The following PSAT1 variants were observed in gnomAD, a reference collection of about 807,000 sequenced individuals.
The protein encoded by PSAT1 is phosphoserine aminotransferase 1.
In PSAT1, 41 loss-of-function variants were observed where a neutral mutation model predicts 40.3. That is an observed-to-expected ratio of 1.02 (90% CI 0.79 to 1.32). The LOEUF (loss-of-function observed/expected upper bound fraction) is 1.32, where lower values mean the gene tolerates loss of function less well. PSAT1 is among the 40% of genes most tolerant of loss of function. The pLI, the probability that PSAT1 is intolerant of heterozygous loss-of-function variation, is 0.00. For missense variants in PSAT1, 406 were observed against 455.8 expected, an observed-to-expected ratio of 0.89 and a Z score of 0.99; for synonymous variants, 147 against 170.5, an observed-to-expected ratio of 0.86 and a Z score of 1.07.
intron 2 of PSAT1, 32 bp downstream of exon 2, chr9:78,300,694 C>T (rs755514572): frequency 3.6e-5 from 50 of 1,389,966 alleles, no homozygotes; most frequent in Middle Eastern, 5.3e-4. Flanking sequence ...TGTGAATGTC[C>T]ATGTTTCAAA....
intron 7 of PSAT1, among the ~76,000 whole-genome samples, chr9:78,324,734 G>A (rs1268294370): frequency 6.6e-6 from 1 of 152,016 alleles, no homozygotes; most frequent in African/African-American, 2.4e-5. Flanking sequence ...CTTTGACAGG[G>A]ATAGCCATAT....
chr9:78,324,108 C>T (rs931143898), intron 7 of PSAT1, among the ~76,000 whole-genome samples: 4 of 152,118 alleles, frequency 2.6e-5, no homozygotes, highest in South Asian at 2.1e-4. Flanking sequence ...AGCGTGTCTC[C>T]GAGGGGACTG....
chr9:78,302,733 CAAAAAAA>C (rs373285782), intron 3 of PSAT1, among the ~76,000 whole-genome samples: 4 of 104,220 alleles, frequency 3.8e-5, no homozygotes, highest in African/African-American at 7.9e-5. Flanking sequence ...GACTCCGTCT[CAAAAAAA>C]AAAAAAAAAA....
rs373888510 is a variant in PSAT1, at chr9:78,304,881, A to T, written c.338A>T (p.Glu113Val). The stretch of plus-strand genomic sequence containing the variant: ...GGAGCTTGGTCAGCTAAGGCCGCAG[A>T]AGAAGCCAAGAAGTTTGGGACTATA... ...VTGAWSAKAA[E>V]EAKKFGTINI... The change falls in exon 4 of 9, where the codon GAA (glutamate) becomes GTA (valine). Residue 113 changes from glutamate (E) to valine (V), a missense_variant. Transcript: ENST00000376588. 9 of 1,613,738 alleles carry T rather than the reference A, an allele frequency of 5.6e-6. No homozygotes were observed. The African/African-American group carries it at 1.2e-4, about 22-fold the overall frequency.
rs145496413 is a variant in PSAT1 at position 78,308,543 on chromosome 9, G to T, written c.700G>T (p.Ala234Ser). Residue 234 changes from alanine to serine, a missense_variant, in exon 6 of 9, where the codon GCT (alanine) becomes TCT (serine). Ala to Ser is a moderately conservative substitution (Grantham distance 99). Transcript: ENST00000376588. ...CTCGGTCCTGGAATACAAGGTGCAG[G>T]CTGGAAACAGCTCCTTGTACAACAC... ...CPSVLEYKVQ[A>S]GNSSLYNTPP... 2.3e-4 allele frequency: 365 copies of T among 1,613,934 alleles called. 3 individuals carry two copies. The highest frequency in any genetic ancestry group is 5.2e-5 in the Non-Finnish European group (61 of 1,180,016).
chr9:78,319,278 A>G (rs1194638213), intron 7 of PSAT1, among the ~76,000 whole-genome samples: 1 of 152,228 alleles, frequency 6.6e-6, no homozygotes. Context: ...TTTGGATGGC[A>G]TGCTGCTGTC....
intron 6 of PSAT1, 64 bp from the exon 7 acceptor site, chr9:78,317,612 C>T: frequency 6.3e-7 from 1 of 1,574,856 alleles, no homozygotes; most frequent in Non-Finnish European, 8.7e-7. Context: ...CAGCAGTTTG[C>T]TTGAATATAG....
rs182819410 is a variant in PSAT1, at chr9:78,302,379, C to T, written c.191+356C>T. 1.3e-4 allele frequency among the ~76,000 whole-genome samples: 20 copies of T among 152,086 alleles called. No homozygotes were observed. The East Asian group carries it at 3.5e-3, about 27-fold the overall frequency. Reference sequence around the variant, plus strand: ...GACTATAAACTAGTTCAGGTGTTCTCGAAGTTTGAGTCTCATACGATCTGT... The same window carrying T: ...GACTATAAACTAGTTCAGGTGTTCTTGAAGTTTGAGTCTCATACGATCTGT... On this transcript the variant is annotated intron_variant, in intron 3 of 8. Coordinates refer to ENST00000376588, the MANE Select transcript of PSAT1 (RefSeq NM_058179.4).
At chr9:78,307,406 C>T (rs1360360324) in intron 5 of PSAT1, among the ~76,000 whole-genome samples, 1 of 152,228 alleles carries the variant, frequency 6.6e-6, no homozygotes, top group African/African-American at 2.4e-5. Context: ...TCAGAGCTTC[C>T]TTTCTTTTTA....
intron 6 of PSAT1, among the ~76,000 whole-genome samples, chr9:78,309,055 T>C (rs1828228064): frequency 6.6e-6 from 1 of 152,234 alleles, no homozygotes; most frequent in Admixed American, 6.5e-5. Flanking sequence ...AGATATCCTA[T>C]CAGATTCTCT....
chr9:78,308,652 C>A, intron 6 of PSAT1, 69 bp downstream of exon 6: 2 of 1,575,190 alleles, frequency 1.3e-6, no homozygotes, highest in East Asian at 2.2e-5. Context: ...GCGGAGGTTA[C>A]ATTTTAAAAT....
In PSAT1 at chr9:78,330,007, T is replaced by C. The variant is rs1178271572; in HGVS notation, c.*921T>C. 6 of 152,240 alleles carry C rather than the reference T, an allele frequency of 3.9e-5. No homozygotes were observed. The highest frequency in any genetic ancestry group is 3.3e-4 in the Admixed American group (5 of 15,282). The allele number at this position is 152,240 out of a possible 1,614,324, so 9.4% of individuals were successfully genotyped here. On this transcript the variant is annotated 3_prime_UTR_variant, in exon 9 of 9. Coordinates refer to ENST00000376588, the MANE Select transcript of PSAT1 (RefSeq NM_058179.4). ...ATGTATGACTACGAGAGTGATACTT[T>C]GCTGAAAAGTCTTTCCCCTATTGTT...
intron 6 of PSAT1, among the ~76,000 whole-genome samples, chr9:78,314,794 A>G (rs553262883): frequency 4.0e-4 from 61 of 152,078 alleles, no homozygotes; most frequent in Non-Finnish European, 6.0e-4. Context: ...TGGACCTGAC[A>G]TGGGCCTTGC....
At position 78,302,004 on chromosome 9, in the gene PSAT1, A is replaced by G; in HGVS notation, c.172A>G (p.Asn58Asp). ...DFAKIINNTE[N>D]LVRELLAVPD... is the part of the protein sequence containing the mutation. ...TGCCAAGATTATTAACAATACAGAGAATCTTGTGCGGGAATTGCTGTAAGT... is the reference window on the plus strand; with the variant it reads ...TGCCAAGATTATTAACAATACAGAGGATCTTGTGCGGGAATTGCTGTAAGT... The change falls in exon 3 of 9, where the codon AAT becomes GAT. Residue 58 changes from asparagine to aspartate, a missense_variant. Transcript: ENST00000376588. The G allele has an allele frequency of 6.2e-7, 1 of 1,611,216 alleles. No homozygotes were observed. The highest frequency in any genetic ancestry group is 8.5e-7 in the Non-Finnish European group (1 of 1,177,460).
chr9:78,319,327 G>A (rs764435691), intron 7 of PSAT1, among the ~76,000 whole-genome samples: 1 of 152,212 alleles, frequency 6.6e-6, no homozygotes, highest in Non-Finnish European at 1.5e-5. Flanking sequence ...GTTTCTGTGA[G>A]CTCTTGACAT....
At chr9:78,309,602 A>G (rs1174846156) in intron 6 of PSAT1, among the ~76,000 whole-genome samples, 1 of 152,224 alleles carries the variant, frequency 6.6e-6, no homozygotes, top group African/African-American at 2.4e-5. Flanking sequence ...ACCTCAGGTT[A>G]TCCGCCGGCT....
chr9:78,300,123 C>T (rs1346676940), intron 1 of PSAT1, among the ~76,000 whole-genome samples: 1 of 152,092 alleles, frequency 6.6e-6, no homozygotes, highest in Non-Finnish European at 1.5e-5. Flanking sequence ...GTTGCAGCAC[C>T]CTGGGACGAA....
Position 78,297,181 on chromosome 9 carries a change from T to C in PSAT1, c.-30T>C. The stretch of plus-strand genomic sequence containing the variant: ...AGCCGTTCACGCGTTCGGTCCTCCT[T>C]GGCTGACTCACCGCCCTGGCCGCCG... On this transcript the variant is annotated 5_prime_UTR_variant, in exon 1 of 9. Coordinates refer to ENST00000376588, the MANE Select transcript of PSAT1 (RefSeq NM_058179.4). 1.3e-6 allele frequency: 2 copies of C among 1,589,184 alleles called. No individual in the cohort carries two copies. Among genetic ancestry groups the C allele is most frequent in the South Asian group, 1.1e-5 (1 of 88,056 alleles).
In PSAT1 at chr9:78,329,488, G is replaced by C. The variant is rs1179083794; in HGVS notation, c.*402G>C. On this transcript the variant is annotated 3_prime_UTR_variant, in exon 9 of 9. Transcript: ENST00000376588. ...CTCTAGGTGCTGAATCTACACATCT[G>C]TGGGGTCTCCTGGGTTCAGCGGCTG... is the stretch of plus-strand genomic sequence containing the variant. The C allele has an allele frequency of 2.2e-5, 6 of 278,952 alleles. No homozygotes were observed. Among genetic ancestry groups the C allele is most frequent in the Non-Finnish European group, 3.5e-5 (5 of 144,604 alleles). The allele number at this position is 278,952 out of a possible 1,614,324, so 17.3% of individuals were successfully genotyped here.
Sources: gnomAD v4.1 joint callset for allele counts (sites outside exome capture counted in the v4.1 genomes callset) on GRCh38, gnomAD v4.1.1 for gene constraint, MANE v1.5 for transcripts, NCBI Gene and HGNC (gene_info 2026-07-23, HGNC 2026-07-21) for gene names.